GBE1: variants seen among roughly 807,000 people sequenced by gnomAD.
The protein encoded by GBE1 is 1,4-alpha-glucan-branching enzyme.
In GBE1, 70 loss-of-function variants were observed where a neutral mutation model predicts 88.8. The ratio of observed to expected loss-of-function variants is 0.79; its 90% CI spans 0.65 to 0.96. The LOEUF is 0.96. Ranked by LOEUF, GBE1 falls within the 40% of genes least tolerant of loss-of-function variation. The probability of loss-of-function intolerance (pLI) is 0.00; values close to 1 mark genes in which losing one functional copy is unlikely to be tolerated. For synonymous variants in GBE1, 284 were observed against 300.1 expected, an observed-to-expected ratio of 0.95 and a Z score of 0.56; for missense variants, 872 against 871.0, an observed-to-expected ratio of 1.00 and a Z score of -0.01.
intron 1 of GBE1, among the ~76,000 whole-genome samples, chr3:81,729,191 A>C (rs1163185105): frequency 6.6e-6 from 1 of 152,150 alleles, no homozygotes; most frequent in East Asian, 1.9e-4. Context: ...ACCAGACCAA[A>C]GCATGTTTAG....
intron 1 of GBE1, among the ~76,000 whole-genome samples, chr3:81,732,420 C>T (rs1055803331): frequency 6.6e-6 from 1 of 152,100 alleles, no homozygotes; most frequent in Non-Finnish European, 1.5e-5. Flanking sequence ...AATCTGCAAG[C>T]TATAAATATT....
chr3:81,598,505 T>C (rs1703988482), intron 7 of GBE1, among the ~76,000 whole-genome samples: 3 of 152,014 alleles, frequency 2.0e-5, no homozygotes, highest in African/African-American at 7.2e-5. Flanking sequence ...ACCTGGTTTA[T>C]TTTTTAAAAT....
intron 9 of GBE1, among the ~76,000 whole-genome samples, chr3:81,590,643 A>C (rs1241704644): frequency 6.6e-6 from 1 of 152,116 alleles, no homozygotes; most frequent in Admixed American, 6.6e-5. Flanking sequence ...AGAAGCTTGC[A>C]GGCAGCAATC....
intron 4 of GBE1, 36 bp downstream of exon 4, chr3:81,649,760 G>A: frequency 1.3e-6 from 2 of 1,539,148 alleles, no homozygotes; most frequent in Non-Finnish European, 8.8e-7. Flanking sequence ...TAGAAATATT[G>A]GAACAATAAT....
chr3:81,596,186 C>A (rs141245880), intron 7 of GBE1, among the ~76,000 whole-genome samples: 1 of 151,802 alleles, frequency 6.6e-6, no homozygotes, highest in African/African-American at 2.4e-5. Context: ...AACCAAATAT[C>A]AGGAAATGGA....
At chr3:81,577,088 A>C (rs1010340411) in intron 12 of GBE1, among the ~76,000 whole-genome samples, 5 of 151,634 alleles carry the variant, frequency 3.3e-5, no homozygotes, top group Non-Finnish European at 7.4e-5. Flanking sequence ...ACAGGCACGC[A>C]CCACCACACC....
intron 7 of GBE1, among the ~76,000 whole-genome samples, chr3:81,607,292 T>C (rs1445113932): frequency 2.6e-5 from 4 of 152,204 alleles, no homozygotes; most frequent in Non-Finnish European, 5.9e-5. Context: ...GGCTCACACC[T>C]GTAATCCCAG....
At position 81,678,261 on chromosome 3, in the gene GBE1, T is replaced by C. The variant is rs191020443; in HGVS notation, c.314-7308A>G. Among the ~76,000 whole-genome samples, 8 of 152,144 alleles carry C rather than the reference T, an allele frequency of 5.3e-5. No homozygotes were observed. The East Asian group carries it at 1.4e-3, about 26-fold the overall frequency. ...TCTGAGTATCTAAACATTAAAAAGG[T>C]GAAGTCAAAGTAAAGTATTATAATC... On this transcript the variant is annotated intron_variant, in intron 2 of 15. Coordinates refer to ENST00000429644, the MANE Select transcript of GBE1 (RefSeq NM_000158.4).
At chr3:81,597,123 A>G (rs1703966477) in intron 7 of GBE1, among the ~76,000 whole-genome samples, 1 of 151,946 alleles carries the variant, frequency 6.6e-6, no homozygotes, top group South Asian at 2.1e-4. Context: ...CTTGAGTCAG[A>G]GTATAACAAT....
intron 14 of GBE1, among the ~76,000 whole-genome samples, chr3:81,502,436 T>C (rs966937536): frequency 6.6e-6 from 1 of 152,190 alleles, no homozygotes. Flanking sequence ...AAATTTTCTG[T>C]GTCCAATTGT....
intron 2 of GBE1, among the ~76,000 whole-genome samples, chr3:81,689,019 T>C (rs1431499038): frequency 6.6e-6 from 1 of 152,182 alleles, no homozygotes; most frequent in Non-Finnish European, 1.5e-5. Flanking sequence ...CAAACACTAG[T>C]AGCATCTAAA....
rs73853461 is a variant in GBE1 at position 81,676,917 on chromosome 3, G to A, written c.314-5964C>T. Among the ~76,000 whole-genome samples, 842 of 152,150 alleles carry A rather than the reference G, an allele frequency of 5.5e-3. 2 individuals are homozygous for A. Among genetic ancestry groups the A allele is most frequent in the African/African-American group, 0.019 (802 of 41,500 alleles). ...TAATATGAACTGCAAACACACATTCGGCAAAGGTGATCAAACATTAACTAA... is the reference window on the plus strand; with the variant it reads ...TAATATGAACTGCAAACACACATTCAGCAAAGGTGATCAAACATTAACTAA... On this transcript the variant is annotated intron_variant, in intron 2 of 15. Coordinates refer to ENST00000429644, the MANE Select transcript of GBE1 (RefSeq NM_000158.4).
chr3:81,753,679 G>A, intron 1 of GBE1, among the ~76,000 whole-genome samples: 1 of 152,206 alleles, frequency 6.6e-6, no homozygotes, highest in East Asian at 1.9e-4. Flanking sequence ...CTTTGAAAAT[G>A]AGAAGAGGTC....
intron 7 of GBE1, among the ~76,000 whole-genome samples, chr3:81,609,621 G>A (rs923912265): frequency 6.6e-6 from 1 of 151,622 alleles, no homozygotes; most frequent in African/African-American, 2.4e-5. Flanking sequence ...GCTTGTTATT[G>A]ATATATTAGT....
At chr3:81,726,381 G>A (rs1706112556) in intron 1 of GBE1, among the ~76,000 whole-genome samples, 1 of 152,074 alleles carries the variant, frequency 6.6e-6, no homozygotes, top group Non-Finnish European at 1.5e-5. Flanking sequence ...GAGGGAGACA[G>A]GAAATGGTTA....
chr3:81,745,319 A>G (rs1214854170), intron 1 of GBE1, among the ~76,000 whole-genome samples: 1 of 152,178 alleles, frequency 6.6e-6, no homozygotes, highest in Non-Finnish European at 1.5e-5. Flanking sequence ...TGTATTACTT[A>G]TTTTTAAAAA....
intron 12 of GBE1, among the ~76,000 whole-genome samples, chr3:81,552,449 G>A (rs1336829251): frequency 1.3e-5 from 2 of 149,944 alleles, no homozygotes; most frequent in Non-Finnish European, 3.0e-5. Context: ...CCCGGAAGGT[G>A]GAGGTTGCAG....
chr3:81,685,906 CAT>C (rs1185616381), intron 2 of GBE1, among the ~76,000 whole-genome samples: 5 of 152,192 alleles, frequency 3.3e-5, no homozygotes, highest in African/African-American at 1.2e-4. Context: ...TCTACTTCCT[CAT>C]ATCTCTTCAG....
chr3:81,666,854 AGTT>A (rs1340553959), intron 3 of GBE1, among the ~76,000 whole-genome samples: 1 of 152,226 alleles, frequency 6.6e-6, no homozygotes, highest in Non-Finnish European at 1.5e-5. Context: ...TAAAAAGCAC[AGTT>A]AAATCTATGA....
Sources: gnomAD v4.1 joint callset for allele counts (sites outside exome capture counted in the v4.1 genomes callset) on GRCh38, gnomAD v4.1.1 for gene constraint, MANE v1.5 for transcripts, NCBI Gene and HGNC (gene_info 2026-07-23, HGNC 2026-07-21) for gene names.